The following NNT variants were observed in gnomAD, a reference collection of about 807,000 sequenced individuals.
NNT encodes the protein nicotinamide nucleotide transhydrogenase, also known as NAD(P) transhydrogenase, mitochondrial.
NNT carries 50 observed loss-of-function variants against 104.8 expected under a neutral mutation model. That is an observed-to-expected ratio of 0.48 (90% confidence interval 0.38 to 0.60). NNT has a LOEUF of 0.60. Ranked by LOEUF, NNT falls within the 20% of genes least tolerant of loss-of-function variation. The probability of loss-of-function intolerance (pLI) is 0.00; values close to 1 mark genes in which losing one functional copy is unlikely to be tolerated. For synonymous variants in NNT, 461 were observed against 490.4 expected, an observed-to-expected ratio of 0.94 and a Z score of 0.79; for missense variants, 1,131 against 1,330.7, an observed-to-expected ratio of 0.85 and a Z score of 2.33.
At chr5:43,645,671 CTCTCTCTCTCTCTA>C (rs1308329677) in intron 10 of NNT, 161 bp downstream of exon 10, 1 of 87,970 alleles carries the variant, frequency 1.1e-5, no homozygotes, top group African/African-American at 4.7e-5. Flanking sequence ...CTCTCTCTCT[CTCTCTCTCTCTCTA>C]TATATATATA....
chr5:43,661,726 C>T (rs6873634), intron 17 of NNT, among the ~76,000 whole-genome samples: 14,767 of 151,762 alleles, frequency 0.097, 979 homozygotes, highest in African/African-American at 0.18. Flanking sequence ...CATGTCCCTA[C>T]GAAGGACATG....
intron 19 of NNT, among the ~76,000 whole-genome samples, chr5:43,693,971 A>C (rs1742423770): frequency 6.6e-6 from 1 of 152,174 alleles, no homozygotes. Context: ...TATCAGTGCT[A>C]ATAAAAAATA....
intron 14 of NNT, among the ~76,000 whole-genome samples, chr5:43,654,240 C>G (rs1739922635): frequency 6.6e-6 from 1 of 152,136 alleles, no homozygotes; most frequent in East Asian, 1.9e-4. Context: ...TGAAATTTGA[C>G]TTGGTAGCAG....
At chr5:43,689,405 C>G (rs747946895) in intron 19 of NNT, among the ~76,000 whole-genome samples, 1 of 152,110 alleles carries the variant, frequency 6.6e-6, no homozygotes, top group Non-Finnish European at 1.5e-5. Context: ...AATTAAGTCC[C>G]ATCTGTTTAT....
chr5:43,651,284 CTT>C (rs761910168), intron 12 of NNT, among the ~76,000 whole-genome samples: 4 of 151,978 alleles, frequency 2.6e-5, no homozygotes, highest in Non-Finnish European at 5.9e-5. Flanking sequence ...AATAGAATGA[CTT>C]TAAATTTTGG....
At chr5:43,654,722 A>G (rs1739949109) in intron 14 of NNT, among the ~76,000 whole-genome samples, 1 of 152,234 alleles carries the variant, frequency 6.6e-6, no homozygotes, top group Non-Finnish European at 1.5e-5. Context: ...ATTGTGTGCT[A>G]GCCACCTTTA....
At chr5:43,664,730 G>A (rs1426690951) in intron 17 of NNT, among the ~76,000 whole-genome samples, 5 of 151,140 alleles carry the variant, frequency 3.3e-5, no homozygotes, top group African/African-American at 9.7e-5. Context: ...CATTTAAGCC[G>A]GCAAAAAAAG....
At chr5:43,666,092 G>A (rs1480167485) in intron 17 of NNT, among the ~76,000 whole-genome samples, 2 of 150,932 alleles carry the variant, frequency 1.3e-5, no homozygotes, top group South Asian at 2.1e-4. Flanking sequence ...GGGAAGAGGC[G>A]CTCCTCACTT....
At chr5:43,646,345 G>T (rs1739430349) in intron 10 of NNT, among the ~76,000 whole-genome samples, 1 of 152,120 alleles carries the variant, frequency 6.6e-6, no homozygotes, top group South Asian at 2.1e-4. Flanking sequence ...GAGTGCAGTG[G>T]TGTGATTACG....
At chr5:43,695,499 G>A (rs569476039) in intron 19 of NNT, among the ~76,000 whole-genome samples, 4 of 152,310 alleles carry the variant, frequency 2.6e-5, no homozygotes, top group Admixed American at 2.6e-4. Context: ...TCTAGATCAT[G>A]TCTAGCACAC....
intron 19 of NNT, among the ~76,000 whole-genome samples, chr5:43,680,818 G>A (rs560990196): frequency 6.6e-6 from 1 of 152,170 alleles, no homozygotes; most frequent in South Asian, 2.1e-4. Context: ...CAGAATGCCT[G>A]TATAGCTTAC....
rs1244671407 is a variant in NNT, at chr5:43,704,469, G to T, written c.*65G>T. 12 of 1,533,746 alleles carry T rather than the reference G, an allele frequency of 7.8e-6. No individual in the cohort carries two copies. Among genetic ancestry groups the T allele is most frequent in the Non-Finnish European group, 1.1e-5 (12 of 1,114,588 alleles). On this transcript the variant is annotated 3_prime_UTR_variant, in exon 22 of 22. Transcript: ENST00000344920. ...GCAGTTTTGGGAACAGGCAAATAAAGTATCAGTATACATGGTGATGTACAT... is the reference window on the plus strand; with the variant it reads ...GCAGTTTTGGGAACAGGCAAATAAATTATCAGTATACATGGTGATGTACAT...
At chr5:43,604,155 G>C (rs1052247077) in intron 1 of NNT, among the ~76,000 whole-genome samples, 1 of 152,162 alleles carries the variant, frequency 6.6e-6, no homozygotes, top group Admixed American at 6.5e-5. Context: ...GTCCTTGCTG[G>C]TATGTCTCGC....
At chr5:43,674,989 G>A (rs932788024) in intron 17 of NNT, among the ~76,000 whole-genome samples, 11 of 152,118 alleles carry the variant, frequency 7.2e-5, no homozygotes, top group African/African-American at 2.7e-4. Context: ...GCTTTGTGGA[G>A]CTATAATTGA....
At chr5:43,698,384 A>G (rs1209786481) in intron 19 of NNT, among the ~76,000 whole-genome samples, 1 of 151,852 alleles carries the variant, frequency 6.6e-6, no homozygotes, top group Non-Finnish European at 1.5e-5. Flanking sequence ...CTCATATCTC[A>G]AAGATGTTCA....
chr5:43,686,814 C>T (rs1266226677), intron 19 of NNT, among the ~76,000 whole-genome samples: 1 of 152,150 alleles, frequency 6.6e-6, no homozygotes. Flanking sequence ...AACTACATCA[C>T]TTAAATCCCT....
chr5:43,634,075 G>A (rs1750814201), intron 7 of NNT, among the ~76,000 whole-genome samples: 1 of 152,152 alleles, frequency 6.6e-6, no homozygotes, highest in African/African-American at 2.4e-5. Context: ...GCACAATCCA[G>A]ATTAGGGTGG....
rs1237642410 is a variant in NNT, at chr5:43,706,841, A to G, written c.*2437A>G. The G allele has an allele frequency of 2.0e-5, 3 of 152,258 alleles. No homozygotes were observed. In the East Asian group the frequency reaches 5.8e-4, roughly 29 times the overall value. The allele number at this position is 152,258 out of a possible 1,614,324, so 9.4% of individuals were successfully genotyped here. On this transcript the variant is annotated 3_prime_UTR_variant, in exon 22 of 22. Coordinates refer to ENST00000344920, the MANE Select transcript of NNT (RefSeq NM_182977.3). ...TGTAGGGACATGGATAAAGCTGGAA[A>G]CCATCATTCTGAGCAAACTATTGCA...
intron 17 of NNT, among the ~76,000 whole-genome samples, chr5:43,670,351 C>G (rs1183233854): frequency 6.6e-6 from 1 of 152,108 alleles, no homozygotes; most frequent in East Asian, 1.9e-4. Flanking sequence ...TCTTGCTTCT[C>G]TAGTTCTTTT....
Sources: gnomAD v4.1 joint callset for allele counts (sites outside exome capture counted in the v4.1 genomes callset) on GRCh38, gnomAD v4.1.1 for gene constraint, MANE v1.5 for transcripts, NCBI Gene and HGNC (gene_info 2026-07-23, HGNC 2026-07-21) for gene names.